Variants in CNGB3 observed in about 807,000 individuals in gnomAD.
CNGB3 encodes the protein cyclic nucleotide-gated channel beta-3.
CNGB3 carries 86 observed loss-of-function variants against 92.8 expected under a neutral mutation model. The observed-to-expected ratio is 0.93, with a 90% CI of 0.78 to 1.11. CNGB3 has a LOEUF of 1.11. Among genes scored for constraint, CNGB3 ranks in the 50% least tolerant of loss-of-function variants. The pLI is 0.00. For synonymous variants in CNGB3, 333 were observed against 332.7 expected (o/e 1.00, Z -0.01); for missense variants, 1,026 against 956.8 (o/e 1.07, Z -0.95).
intron 14 of CNGB3, among the ~76,000 whole-genome samples, chr8:86,604,657 G>A (rs765266935): frequency 1.4e-4 from 21 of 152,130 alleles, no homozygotes; most frequent in Non-Finnish European, 2.8e-4. Flanking sequence ...GTCTGATTTG[G>A]GGAATTGGGG....
chr8:86,681,817 A>C (rs1824087448), intron 3 of CNGB3, among the ~76,000 whole-genome samples: 1 of 152,162 alleles, frequency 6.6e-6, no homozygotes, highest in Admixed American at 6.6e-5. Context: ...ATGTCTCAAA[A>C]TTTCCCAGGG....
intron 6 of CNGB3, chr8:86,659,392 G>A: frequency 1.3e-6 from 1 of 766,718 alleles, no homozygotes; most frequent in Non-Finnish European, 2.4e-6. Flanking sequence ...TGAAGCAGGA[G>A]CTTGGCCTCT....
chr8:86,722,637 G>T (rs1034250318), intron 3 of CNGB3, among the ~76,000 whole-genome samples: 5 of 152,130 alleles, frequency 3.3e-5, no homozygotes, highest in Non-Finnish European at 7.4e-5. Context: ...AAAGCAGAAT[G>T]GTTTCCCTAA....
At chr8:86,593,058 AT>A (rs1280379161) in intron 15 of CNGB3, among the ~76,000 whole-genome samples, 23 of 151,706 alleles carry the variant, frequency 1.5e-4, no homozygotes, top group Non-Finnish European at 3.2e-4. Flanking sequence ...TGGCAAACAC[AT>A]GTTAGCCTAG....
intron 14 of CNGB3, among the ~76,000 whole-genome samples, chr8:86,608,773 T>C (rs1822461929): frequency 6.6e-6 from 1 of 152,248 alleles, no homozygotes; most frequent in Admixed American, 6.5e-5. Context: ...AAGGGACCCC[T>C]GTCCAGTGGA....
chr8:86,732,480 C>T (rs886848552), intron 2 of CNGB3, among the ~76,000 whole-genome samples: 7 of 152,088 alleles, frequency 4.6e-5, no homozygotes, highest in African/African-American at 1.7e-4. Flanking sequence ...GAAAACACAG[C>T]GCTCATGAGA....
chr8:86,726,410 T>A (rs920703608), intron 3 of CNGB3, 121 bp downstream of exon 3: 3 of 1,352,746 alleles, frequency 2.2e-6, no homozygotes, highest in African/African-American at 1.4e-5. Flanking sequence ...TTTTGTGTTA[T>A]GTGACTATTG....
In CNGB3 at chr8:86,699,346, A is replaced by G. The variant is rs538303199; in HGVS notation, c.338+27185T>C. On this transcript the variant is annotated intron_variant, in intron 3 of 17. Coordinates refer to ENST00000320005, the MANE Select transcript of CNGB3 (RefSeq NM_019098.5). Reference sequence around the variant, plus strand: ...ATAAGTAAACAATAAAATCAAGACTATTGAATGTTGGCCAGGTGCAGTGGC... The same window carrying G: ...ATAAGTAAACAATAAAATCAAGACTGTTGAATGTTGGCCAGGTGCAGTGGC... Among the ~76,000 whole-genome samples the G allele has an allele frequency of 4.2e-4, 64 of 152,274 alleles. No individual in the cohort carries two copies. In the Middle Eastern group the frequency reaches 0.01, roughly 24 times the overall value.
At chr8:86,694,137 AC>A (rs1824386077) in intron 3 of CNGB3, among the ~76,000 whole-genome samples, 2 of 92,204 alleles carry the variant, frequency 2.2e-5, no homozygotes, top group Non-Finnish European at 4.3e-5. Context: ...TGACCCCCCC[AC>A]CTCCCTCCTG....
At chr8:86,615,076 T>C (rs1386434970) in intron 13 of CNGB3, among the ~76,000 whole-genome samples, 2 of 152,200 alleles carry the variant, frequency 1.3e-5, no homozygotes, top group Non-Finnish European at 2.9e-5. Flanking sequence ...CATTTGGTAC[T>C]ATAAGTAATC....
At chr8:86,661,714 A>C in intron 6 of CNGB3, 2 of 1,411,748 alleles carry the variant, frequency 1.4e-6, no homozygotes, top group Non-Finnish European at 2.0e-6. Flanking sequence ...TCCCATTCTG[A>C]CCCATGGGTA....
intron 11 of CNGB3, among the ~76,000 whole-genome samples, chr8:86,629,800 A>C (rs550334914): frequency 6.6e-6 from 1 of 152,218 alleles, no homozygotes; most frequent in African/African-American, 2.4e-5. Flanking sequence ...ACCCATAAAA[A>C]CCCACTCTAG....
In CNGB3 at chr8:86,709,652, G is replaced by GGA. The variant is rs1327662416; in HGVS notation, c.338+16878_338+16879insTC. Among the ~76,000 whole-genome samples, 978 of 151,998 alleles carry GGA rather than the reference G, an allele frequency of 6.4e-3. 5 individuals are homozygous for GGA. Among genetic ancestry groups the GGA allele is most frequent in the Middle Eastern group, 0.02 (6 of 294 alleles). Reference sequence around the variant, plus strand: ...TAAGTTCTCAGTTTTATGTTTTACCGCATTGTACAACAAACTGTCCTGATA... The same window carrying GGA: ...TAAGTTCTCAGTTTTATGTTTTACCGGACATTGTACAACAAACTGTCCTGATA... On this transcript the variant is annotated intron_variant, in intron 3 of 17. Coordinates refer to ENST00000320005, the MANE Select transcript of CNGB3 (RefSeq NM_019098.5).
At chr8:86,650,550 C>T (rs1001959447) in intron 7 of CNGB3, among the ~76,000 whole-genome samples, 3 of 151,462 alleles carry the variant, frequency 2.0e-5, no homozygotes, top group Non-Finnish European at 4.4e-5. Context: ...AAAAAGCAGA[C>T]ACACTGTCTG....
At chr8:86,614,149 A>G (rs1301411487) in intron 13 of CNGB3, among the ~76,000 whole-genome samples, 1 of 151,970 alleles carries the variant, frequency 6.6e-6, no homozygotes, top group African/African-American at 2.4e-5. Flanking sequence ...ACACTTGACA[A>G]GGTTTCCAGT....
intron 6 of CNGB3, chr8:86,659,888 A>T: frequency 2.4e-6 from 1 of 419,850 alleles, no homozygotes. Flanking sequence ...GGCCCTCCCC[A>T]TTGACAAAGG....
rs1355840459 is a variant in CNGB3, at chr8:86,575,902, C to T, written c.2332G>A (p.Gly778Arg). 6.2e-7 allele frequency: 1 copy of T among 1,613,514 alleles called. No homozygotes were observed. Among genetic ancestry groups the T allele is most frequent in the Non-Finnish European group, 8.5e-7 (1 of 1,179,862 alleles). Residue 778 changes from glycine to arginine, a missense_variant, in exon 18 of 18, where the codon GGG becomes AGG. Transcript: ENST00000320005. ...HSVRRTVLPR[G>R]TSRQSLIISM... ...ATAATGAGTGATTGACGAGAAGTCC[C>T]TCTGGGTAAAACTGTCCTTCTAACT...
intron 6 of CNGB3, among the ~76,000 whole-genome samples, chr8:86,655,774 C>T (rs961025096): frequency 2.6e-5 from 4 of 152,138 alleles, no homozygotes; most frequent in Admixed American, 2.6e-4. Flanking sequence ...AAATGTGTGA[C>T]GAGTGATAGA....
intron 3 of CNGB3, among the ~76,000 whole-genome samples, chr8:86,696,520 A>G (rs900963608): frequency 2.0e-4 from 31 of 152,138 alleles, no homozygotes; most frequent in African/African-American, 6.8e-4. Context: ...ATGTTCCTAC[A>G]GTGGTTCTTG....
Sources: gnomAD v4.1 joint callset for allele counts (sites outside exome capture counted in the v4.1 genomes callset) on GRCh38, gnomAD v4.1.1 for gene constraint, MANE v1.5 for transcripts, NCBI Gene and HGNC (gene_info 2026-07-23, HGNC 2026-07-21) for gene names.